The following SASH1 variants were observed in gnomAD, a reference collection of about 807,000 sequenced individuals.
The protein encoded by SASH1 is SAM and SH3 domain containing 1.
In SASH1, 44 loss-of-function variants were observed where a neutral mutation model predicts 125.2. That is an observed-to-expected ratio of 0.35 (90% CI 0.28 to 0.45). The LOEUF (loss-of-function observed/expected upper bound fraction) is 0.45, where lower values mean the gene tolerates loss of function less well. Among genes scored for constraint, SASH1 ranks in the 20% least tolerant of loss-of-function variants. The pLI is 1.00. For synonymous variants in SASH1, 639 were observed against 649.1 expected (o/e 0.98, Z 0.24); for missense variants, 1,426 against 1,614.5 (o/e 0.88, Z 2.00).
intron 1 of SASH1, among the ~76,000 whole-genome samples, chr6:148,359,823 A>G (rs1038859132): frequency 1.3e-5 from 2 of 152,086 alleles, no homozygotes; most frequent in African/African-American, 2.4e-5. Context: ...CAGTGGTGCA[A>G]TCTCAGCTCA....
At chr6:148,255,047 C>A in the SASH1 span, among the ~76,000 whole-genome samples, 1 of 152,090 alleles carries the variant, frequency 6.6e-6, no homozygotes, top group African/African-American at 2.4e-5. Context: ...AAGTACTAAT[C>A]CATGTTACAA....
intron 1 of SASH1, among the ~76,000 whole-genome samples, chr6:148,384,189 G>A (rs901288399): frequency 1.1e-4 from 17 of 152,150 alleles, no homozygotes; most frequent in Admixed American, 3.9e-4. Context: ...TAAAAAGATC[G>A]CGTGACTCAA....
chr6:148,325,606 C>A (rs567734145), intron 1 of SASH1, among the ~76,000 whole-genome samples: 1 of 151,980 alleles, frequency 6.6e-6, no homozygotes, highest in African/African-American at 2.4e-5. Flanking sequence ...TCAGATCTTA[C>A]GAGAACTCAC....
At chr6:148,394,390 T>A (rs991713182) in intron 2 of SASH1, among the ~76,000 whole-genome samples, 3 of 152,188 alleles carry the variant, frequency 2.0e-5, no homozygotes, top group African/African-American at 7.2e-5. Context: ...CTACTGAAAG[T>A]TCCCTCTCAC....
the SASH1 span, among the ~76,000 whole-genome samples, chr6:148,257,740 C>T: frequency 3.9e-4 from 59 of 151,514 alleles, no homozygotes; most frequent in Non-Finnish European, 2.9e-5. Flanking sequence ...AAGCAATTCT[C>T]CTGCCTCAGC....
chr6:148,323,064 G>A (rs971235731), intron 1 of SASH1, among the ~76,000 whole-genome samples: 7 of 144,360 alleles, frequency 4.8e-5, no homozygotes, highest in East Asian at 2.1e-4. Flanking sequence ...TTCTAGCTCC[G>A]TCACCCAGGA....
intron 2 of SASH1, among the ~76,000 whole-genome samples, chr6:148,438,610 G>T (rs1776394603): frequency 6.6e-6 from 1 of 150,990 alleles, no homozygotes; most frequent in Non-Finnish European, 1.5e-5. Context: ...AGAGTGAGTT[G>T]CCAGTTCATT....
intron 4 of SASH1, among the ~76,000 whole-genome samples, chr6:148,454,330 G>A (rs777618634): frequency 2.0e-5 from 3 of 152,128 alleles, no homozygotes; most frequent in Non-Finnish European, 4.4e-5. Context: ...CCACACTGAC[G>A]GTGAAGCACG....
At chr6:148,454,317 T>C (rs368248619) in intron 4 of SASH1, among the ~76,000 whole-genome samples, 1 of 152,290 alleles carries the variant, frequency 6.6e-6, no homozygotes, top group African/African-American at 2.4e-5. Context: ...CAGGGCCCCA[T>C]GCCCACACTG....
intron 7 of SASH1, among the ~76,000 whole-genome samples, chr6:148,478,292 T>C (rs1307833933): frequency 1.3e-5 from 2 of 152,106 alleles, no homozygotes; most frequent in Non-Finnish European, 2.9e-5. Context: ...CATCAACAGA[T>C]GAATGGATAA....
At chr6:148,305,602 C>T (rs531846996) in intron 1 of SASH1, among the ~76,000 whole-genome samples, 30 of 126,910 alleles carry the variant, frequency 2.4e-4, no homozygotes, top group African/African-American at 8.3e-4. Flanking sequence ...CCAGCCTGGG[C>T]GACAGAGCGA....
At chr6:148,290,332 C>T (rs1440969548) in intron 1 of SASH1, among the ~76,000 whole-genome samples, 2 of 151,484 alleles carry the variant, frequency 1.3e-5, no homozygotes, top group Non-Finnish European at 2.9e-5. Context: ...CTTGGCCGGG[C>T]GCGGTGGCTC....
intron 16 of SASH1, among the ~76,000 whole-genome samples, chr6:148,537,034 T>C (rs956600943): frequency 4.6e-5 from 7 of 152,210 alleles, no homozygotes; most frequent in African/African-American, 1.7e-4. Context: ...AGACTTTTCC[T>C]AGCATTATAG....
At position 148,331,396 on chromosome 6, in the gene SASH1, C is replaced by T. The variant is rs534053022; in HGVS notation, n.75-58738C>T. ...CCAGGCTGGGGTGCAATGGCACGGT[C>T]TTGGCTCACTGCAACCTCTGCCTCC... On this transcript the variant is annotated intron_variant and non_coding_transcript_variant, in intron 1 of 3. Transcript: ENST00000367469. 5.9e-5 allele frequency among the ~76,000 whole-genome samples: 9 copies of T among 152,262 alleles called. No homozygotes were observed. The South Asian group carries it at 1.2e-3, about 21-fold the overall frequency.
chr6:148,253,627 C>T, the SASH1 span, among the ~76,000 whole-genome samples: 12 of 152,270 alleles, frequency 7.9e-5, no homozygotes, highest in South Asian at 2.5e-3. Flanking sequence ...AATCCCAGCA[C>T]TTTGGGAGGC....
chr6:148,360,442 G>A (rs1782145225), intron 1 of SASH1, among the ~76,000 whole-genome samples: 1 of 151,618 alleles, frequency 6.6e-6, no homozygotes, highest in South Asian at 2.1e-4. Flanking sequence ...CCACCTCCTG[G>A]GTTCAAGCGA....
intron 1 of SASH1, among the ~76,000 whole-genome samples, chr6:148,354,139 T>G (rs1385154895): frequency 6.6e-6 from 1 of 152,052 alleles, no homozygotes; most frequent in Non-Finnish European, 1.5e-5. Flanking sequence ...CACTCCAGCC[T>G]GGGTGATGGA....
chr6:148,281,399 C>T (rs1257373381), intron 1 of SASH1, among the ~76,000 whole-genome samples: 1 of 152,114 alleles, frequency 6.6e-6, no homozygotes, highest in East Asian at 1.9e-4. Context: ...ATTTATATCA[C>T]CTACACCCCT....
rs1467685408 is a variant in SASH1, at chr6:148,368,166, G to T, written c.157-21968G>T. ...CTTTATAGTTTAAATAAGCAGTAAG[G>T]TTAGCTTAAGCTTGTTGTGTGCCCA... On this transcript the variant is annotated intron_variant, in intron 1 of 19. Transcript: ENST00000367467. Among the ~76,000 whole-genome samples, 3 of 152,210 alleles carry T rather than the reference G, an allele frequency of 2.0e-5. No homozygotes were observed. In the South Asian group the frequency reaches 6.2e-4, roughly 31 times the overall value.
Sources: gnomAD v4.1 joint callset for allele counts (sites outside exome capture counted in the v4.1 genomes callset) on GRCh38, gnomAD v4.1.1 for gene constraint, MANE v1.5 for transcripts, NCBI Gene and HGNC (gene_info 2026-07-23, HGNC 2026-07-21) for gene names.